The following SUPT3H variants were observed in gnomAD, a reference collection of about 807,000 sequenced individuals.
SUPT3H encodes the protein transcription initiation protein SPT3 homolog.
SUPT3H carries 44 observed loss-of-function variants against 44.3 expected under a neutral mutation model. That is an observed-to-expected ratio of 0.99 (90% CI 0.78 to 1.28). The LOEUF is 1.28. Among genes scored for constraint, SUPT3H ranks in the 50% most tolerant of loss-of-function variants. The pLI, the probability that SUPT3H is intolerant of heterozygous loss-of-function variation, is 0.00. For synonymous variants in SUPT3H, 124 were observed against 125.6 expected (o/e 0.99, Z 0.09); for missense variants, 380 against 387.1 (o/e 0.98, Z 0.15).
rs183803334 is a variant in SUPT3H at position 45,119,977 on chromosome 6, A to T, written c.102-13971T>A. Among the ~76,000 whole-genome samples, 389 of 152,262 alleles carry T rather than the reference A, an allele frequency of 2.6e-3. 3 individuals carry two copies. The highest frequency in any genetic ancestry group is 8.5e-3 in the African/African-American group (355 of 41,562). On this transcript the variant is annotated intron_variant, in intron 2 of 10. Coordinates refer to ENST00000371459, the MANE Select transcript of SUPT3H (RefSeq NM_003599.4). ...AATGAGTCGATTATATCCATAATAC[A>T]TACTGAGGATTTACTGTTTGCTAGA...
intron 10 of SUPT3H, among the ~76,000 whole-genome samples, chr6:44,908,373 G>A (rs1766460362): frequency 6.6e-6 from 1 of 151,778 alleles, no homozygotes; most frequent in South Asian, 2.1e-4. Flanking sequence ...GGATGGTCTC[G>A]ATCTCCTGAC....
At chr6:44,938,352 CTT>C (rs1375634192) in intron 9 of SUPT3H, among the ~76,000 whole-genome samples, 1 of 152,026 alleles carries the variant, frequency 6.6e-6, no homozygotes, top group Non-Finnish European at 1.5e-5. Context: ...AGTGTATGCT[CTT>C]GTTAACTTAG....
chr6:44,868,731 C>G (rs1451525866), intron 10 of SUPT3H, among the ~76,000 whole-genome samples: 1 of 152,170 alleles, frequency 6.6e-6, no homozygotes, highest in African/African-American at 2.4e-5. Flanking sequence ...TGGACTTCAT[C>G]ACAGCAACTA....
intron 2 of SUPT3H, among the ~76,000 whole-genome samples, chr6:45,289,884 TA>T (rs1780031903): frequency 6.6e-6 from 1 of 152,194 alleles, no homozygotes. Context: ...AACAATTTCT[TA>T]ACAAAAATAT....
In SUPT3H at chr6:44,828,924, G is replaced by T. The variant is rs1157037332; in HGVS notation, c.*892C>A. 1 of 152,572 alleles carries T rather than the reference G, an allele frequency of 6.6e-6. No individual in the cohort carries two copies. The highest frequency in any genetic ancestry group is 6.6e-5 in the Admixed American group (1 of 15,266). 9.5% of individuals were successfully genotyped at this position (152,572 alleles called of 1,614,324 possible). A position where few individuals can be genotyped will look rare whatever the true frequency, so the allele number is the denominator to read the frequency against. ...TTTTGGTTTGTTCCAAAGAGTTACG[G>T]TTCCTCATTTACTGGAGAAAGTATA... is the stretch of plus-strand genomic sequence containing the variant. On this transcript the variant is annotated 3_prime_UTR_variant, in exon 11 of 11. Coordinates refer to ENST00000371459, the MANE Select transcript of SUPT3H (RefSeq NM_003599.4).
At chr6:45,344,030 T>G (rs1336403623) in intron 2 of SUPT3H, among the ~76,000 whole-genome samples, 2 of 152,192 alleles carry the variant, frequency 1.3e-5, no homozygotes, top group Non-Finnish European at 2.9e-5. Flanking sequence ...CCATGACTAC[T>G]AATTGAATAA....
rs550094841 is a variant in SUPT3H, at chr6:45,276,169, T to TA, written c.101+89031dup. Among the ~76,000 whole-genome samples, 317 of 152,140 alleles carry TA rather than the reference T, an allele frequency of 2.1e-3. 2 individuals carry two copies. Among genetic ancestry groups the TA allele is most frequent in the Non-Finnish European group, 4.0e-3 (270 of 67,960 alleles). ...ATTTTACCAAAAATGTCAACATACATAAACATAAAAGCCTAAAAAGTTTAC... is the reference window on the plus strand; with the variant it reads ...ATTTTACCAAAAATGTCAACATACATAAAACATAAAAGCCTAAAAAGTTTAC... On this transcript the variant is annotated intron_variant, in intron 2 of 10. Transcript: ENST00000371459.
chr6:45,366,397 T>G (rs1201829803), intron 1 of SUPT3H, among the ~76,000 whole-genome samples: 1 of 152,164 alleles, frequency 6.6e-6, no homozygotes, highest in Non-Finnish European at 1.5e-5. Context: ...CTCACCTTCT[T>G]AGGGCTGTTG....
chr6:45,257,156 G>C (rs947266438), intron 2 of SUPT3H, among the ~76,000 whole-genome samples: 2 of 152,108 alleles, frequency 1.3e-5, no homozygotes, highest in African/African-American at 4.8e-5. Context: ...ATCTCATTAA[G>C]GTTTTGATTT....
At chr6:44,816,902 C>CAA (rs145926810) in intron 11 of SUPT3H, among the ~76,000 whole-genome samples, 2 of 125,492 alleles carry the variant, frequency 1.6e-5, no homozygotes, top group East Asian at 2.0e-4. Context: ...AATAAAACAA[C>CAA]AACAAAAAAA....
At chr6:45,336,720 A>G (rs964340557) in intron 2 of SUPT3H, among the ~76,000 whole-genome samples, 1 of 151,444 alleles carries the variant, frequency 6.6e-6, no homozygotes, top group Non-Finnish European at 1.5e-5. Flanking sequence ...TAAAGTATTT[A>G]CTTACAAAGT....
At chr6:45,367,168 G>A (rs1366391368) in intron 1 of SUPT3H, among the ~76,000 whole-genome samples, 2 of 152,132 alleles carry the variant, frequency 1.3e-5, no homozygotes, top group East Asian at 3.9e-4. Flanking sequence ...TAGGTGACTA[G>A]GTTTGGAATA....
In SUPT3H at chr6:45,282,480, G is replaced by A. The variant is rs551232164; in HGVS notation, c.101+82721C>T. ...CCGATTCGATCAACTGGAAGAAAGGGTATCAGTGATGGAAGATCAAATGAA... is the reference window on the plus strand; with the variant it reads ...CCGATTCGATCAACTGGAAGAAAGGATATCAGTGATGGAAGATCAAATGAA... On this transcript the variant is annotated intron_variant, in intron 2 of 10. Coordinates refer to ENST00000371459, the MANE Select transcript of SUPT3H (RefSeq NM_003599.4). Among the ~76,000 whole-genome samples, 17 of 152,264 alleles carry A rather than the reference G, an allele frequency of 1.1e-4. No homozygotes were observed. In the South Asian group the frequency reaches 3.1e-3, roughly 28 times the overall value.
At chr6:45,162,037 A>AC (rs1381099497) in intron 2 of SUPT3H, among the ~76,000 whole-genome samples, 1 of 151,632 alleles carries the variant, frequency 6.6e-6, no homozygotes, top group African/African-American at 2.4e-5. Context: ...ATGTTTAAAA[A>AC]AAAACAAAAA....
At chr6:45,006,690 C>A (rs1194456799) in intron 5 of SUPT3H, among the ~76,000 whole-genome samples, 4 of 152,102 alleles carry the variant, frequency 2.6e-5, no homozygotes, top group African/African-American at 9.7e-5. Flanking sequence ...TTCATTTTCC[C>A]TATCTCAGCT....
chr6:44,942,909 C>T (rs778461257), intron 9 of SUPT3H, among the ~76,000 whole-genome samples: 58 of 152,234 alleles, frequency 3.8e-4, no homozygotes, highest in South Asian at 8.3e-4. Flanking sequence ...GCCACTACCA[C>T]CACCACCAAT....
At chr6:45,295,213 T>A (rs1562897135) in intron 2 of SUPT3H, among the ~76,000 whole-genome samples, 2 of 152,004 alleles carry the variant, frequency 1.3e-5, no homozygotes, top group South Asian at 4.1e-4. Flanking sequence ...AACTGATCTT[T>A]GAAAAAAACA....
downstream of SUPT3H, among the ~76,000 whole-genome samples, chr6:44,825,491 G>A (rs1735546107): frequency 6.6e-6 from 1 of 152,188 alleles, no homozygotes; most frequent in South Asian, 2.1e-4. Context: ...TCAAAGTGCT[G>A]GGTACAAAAG....
At chr6:45,330,014 T>A (rs1331843632) in intron 2 of SUPT3H, among the ~76,000 whole-genome samples, 2 of 151,864 alleles carry the variant, frequency 1.3e-5, no homozygotes, top group Non-Finnish European at 2.9e-5. Flanking sequence ...AACTGGATAC[T>A]ACTAGAGGAT....
Sources: gnomAD v4.1 joint callset for allele counts (sites outside exome capture counted in the v4.1 genomes callset) on GRCh38, gnomAD v4.1.1 for gene constraint, MANE v1.5 for transcripts, NCBI Gene and HGNC (gene_info 2026-07-23, HGNC 2026-07-21) for gene names.